Variants in GUCY1A1 observed in about 807,000 individuals in gnomAD.
GUCY1A1 encodes the protein guanylate cyclase soluble subunit alpha-1.
GUCY1A1 carries 48 observed loss-of-function variants against 64.5 expected under a neutral mutation model. The ratio of observed to expected loss-of-function variants is 0.74; its 90% CI spans 0.59 to 0.95. GUCY1A1 has a LOEUF of 0.95. GUCY1A1 is among the 40% of genes least tolerant of loss of function. GUCY1A1 has a pLI of 0.00. For synonymous variants in GUCY1A1, 308 were observed against 303.4 expected (o/e 1.02, Z -0.16); for missense variants, 804 against 825.3 (o/e 0.97, Z 0.32).
At chr4:155,711,348 T>C in intron 6 of GUCY1A1, 97 bp downstream of exon 6, 1 of 627,064 alleles carries the variant, frequency 1.6e-6, no homozygotes, top group South Asian at 2.2e-5. Flanking sequence ...TTCAAATGTT[T>C]GATAAAACAT....
At chr4:155,696,690 C>A (rs1730453533) in intron 2 of GUCY1A1, 66 bp from the exon 3 acceptor site, 1 of 530,674 alleles carries the variant, frequency 1.9e-6, no homozygotes, top group Non-Finnish European at 3.3e-6. Flanking sequence ...GCTCACCTGT[C>A]TTTTTCTGTT....
At chr4:155,694,404 A>C (rs776434019) in intron 2 of GUCY1A1, among the ~76,000 whole-genome samples, 1 of 151,998 alleles carries the variant, frequency 6.6e-6, no homozygotes, top group Non-Finnish European at 1.5e-5. Context: ...AAAACTCTCC[A>C]AGCTCCCCAA....
intron 2 of GUCY1A1, among the ~76,000 whole-genome samples, chr4:155,684,606 G>A (rs773086716): frequency 1.3e-4 from 20 of 152,118 alleles, no homozygotes; most frequent in Admixed American, 5.2e-4. Flanking sequence ...TCCAGGCCTC[G>A]AATCTCACAC....
Position 155,696,753 on chromosome 4 carries a change from T to C in GUCY1A1, c.-112-3T>C, listed in dbSNP as rs1730463223. ...TTCTGTTCTGACTTTTTGCTGTCCATAGACATCCCAGTTACCAGTGTCCTT... is the reference window on the plus strand; with the variant it reads ...TTCTGTTCTGACTTTTTGCTGTCCACAGACATCCCAGTTACCAGTGTCCTT... On this transcript the variant is annotated splice_region_variant and splice_polypyrimidine_tract_variant and intron_variant, in intron 2 of 9. Coordinates refer to ENST00000506455, the MANE Select transcript of GUCY1A1 (RefSeq NM_001130682.3). 1.6e-5 allele frequency: 15 copies of C among 936,058 alleles called. No individual in the cohort carries two copies. The South Asian group carries it at 2.5e-4, about 15-fold the overall frequency. 58.0% of individuals were successfully genotyped at this position (936,058 alleles called of 1,614,324 possible).
At chr4:155,703,838 C>A in intron 3 of GUCY1A1, 94 bp from the exon 4 acceptor site, 2 of 773,384 alleles carry the variant, frequency 2.6e-6, no homozygotes, top group South Asian at 1.6e-5. Flanking sequence ...GCTTTATTCT[C>A]GAAAATAAAT....
rs1244322722 is a variant in GUCY1A1 at position 155,736,536 on chromosome 4, G to GA, written c.*6311dup. 2.0e-5 allele frequency: 3 copies of GA among 151,822 alleles called. No individual in the cohort carries two copies. The highest frequency in any genetic ancestry group is 1.9e-4 in the East Asian group (1 of 5,146). 9.4% of individuals were successfully genotyped at this position (151,822 alleles called of 1,614,324 possible). Reference sequence around the variant, plus strand: ...TGACTAAGAACTTACTGTTTAGAGAGAAAAAATAGTAAATAATGTTCAAAA... The same window carrying GA: ...TGACTAAGAACTTACTGTTTAGAGAGAAAAAAATAGTAAATAATGTTCAAAA... On this transcript the variant is annotated 3_prime_UTR_variant, in exon 10 of 10. Transcript: ENST00000506455.
intron 2 of GUCY1A1, among the ~76,000 whole-genome samples, chr4:155,680,864 A>G (rs1735633461): frequency 6.6e-6 from 1 of 151,808 alleles, no homozygotes; most frequent in South Asian, 2.1e-4. Flanking sequence ...GCAGAAGAAA[A>G]TTTGCATATG....
intron 2 of GUCY1A1, among the ~76,000 whole-genome samples, chr4:155,678,424 A>G (rs1735255617): frequency 6.6e-6 from 1 of 152,174 alleles, no homozygotes; most frequent in African/African-American, 2.4e-5. Flanking sequence ...ATTTTATATC[A>G]AGTCCAGTTT....
chr4:155,700,469 A>G (rs1446901956), intron 3 of GUCY1A1, among the ~76,000 whole-genome samples: 1 of 152,222 alleles, frequency 6.6e-6, no homozygotes, highest in Non-Finnish European at 1.5e-5. Context: ...AACCACACCA[A>G]TGATATTTTT....
intron 9 of GUCY1A1, among the ~76,000 whole-genome samples, chr4:155,723,628 AT>A (rs1183371552): frequency 1.9e-3 from 2 of 1,048 alleles, no homozygotes; most frequent in Non-Finnish European, 3.5e-3. Flanking sequence ...CTTCTTCTGC[AT>A]TTATTTATTT....
At chr4:155,721,204 C>T (rs1285770886) in intron 8 of GUCY1A1, among the ~76,000 whole-genome samples, 1 of 151,862 alleles carries the variant, frequency 6.6e-6, no homozygotes. Flanking sequence ...TTCGAGGTTA[C>T]AGTGAACTAT....
At chr4:155,700,708 C>A (rs1161623980) in intron 3 of GUCY1A1, among the ~76,000 whole-genome samples, 1 of 152,126 alleles carries the variant, frequency 6.6e-6, no homozygotes, top group Non-Finnish European at 1.5e-5. Context: ...AGTCCACAAT[C>A]TACAATACTT....
rs3796576 is a variant in GUCY1A1 at position 155,730,889 on chromosome 4, C to A, written c.*658C>A. On this transcript the variant is annotated 3_prime_UTR_variant, in exon 10 of 10. Coordinates refer to ENST00000506455, the MANE Select transcript of GUCY1A1 (RefSeq NM_001130682.3). Reference sequence around the variant, plus strand: ...AAGTTAAAAATACTCTCCATAGTAACGTGTGTTATAATAATAAATATTTCT... The same window carrying A: ...AAGTTAAAAATACTCTCCATAGTAAAGTGTGTTATAATAATAAATATTTCT... 3.3e-5 allele frequency: 5 copies of A among 152,782 alleles called. No individual in the cohort carries two copies. Among genetic ancestry groups the A allele is most frequent in the African/African-American group, 1.2e-4 (5 of 41,258 alleles). 9.5% of individuals were successfully genotyped at this position (152,782 alleles called of 1,614,324 possible).
chr4:155,718,348 C>T (rs1476891827), intron 8 of GUCY1A1, among the ~76,000 whole-genome samples: 2 of 152,246 alleles, frequency 1.3e-5, no homozygotes, highest in African/African-American at 4.8e-5. Flanking sequence ...TTTAAGCCTT[C>T]GTAACTATTT....
In GUCY1A1 at chr4:155,713,568, G is replaced by A; in HGVS notation, c.1557G>A (p.Glu519=). 1 of 1,613,074 alleles carries A rather than the reference G, an allele frequency of 6.2e-7. No homozygotes were observed. The highest frequency in any genetic ancestry group is 8.5e-7 in the Non-Finnish European group (1 of 1,179,144). ...LYTRFDQQCG[E]LDVYKVETIG... ...CTCGCTTCGACCAGCAGTGTGGAGAGCTGGATGTCTACAAGGTAGGAGTGG... is the reference window on the plus strand; with the variant it reads ...CTCGCTTCGACCAGCAGTGTGGAGAACTGGATGTCTACAAGGTAGGAGTGG... The change falls in exon 7 of 10, where the codon GAG becomes GAA. Residue 519 remains glutamate (E), a synonymous_variant. Coordinates refer to ENST00000506455, the MANE Select transcript of GUCY1A1 (RefSeq NM_001130682.3).
intron 5 of GUCY1A1, among the ~76,000 whole-genome samples, chr4:155,710,213 G>A (rs1014458656): frequency 1.3e-5 from 2 of 152,152 alleles, no homozygotes; most frequent in Admixed American, 1.3e-4. Context: ...CAGAAAGATT[G>A]GAGGACTTTT....
At chr4:155,711,520 T>A (rs1732571196) in intron 6 of GUCY1A1, 1 of 253,060 alleles carries the variant, frequency 4.0e-6, no homozygotes, top group Non-Finnish European at 7.5e-6. Context: ...ATTTGATAAA[T>A]GTTTATATAA....
chr4:155,724,260 T>C (rs71605261), intron 9 of GUCY1A1, among the ~76,000 whole-genome samples: 5,418 of 152,220 alleles, frequency 0.036, 122 homozygotes, highest in Middle Eastern at 0.058. Flanking sequence ...TTCTCTTTGA[T>C]GAAATGATTA....
chr4:155,679,026 T>C (rs1157660859), intron 2 of GUCY1A1, among the ~76,000 whole-genome samples: 1 of 152,362 alleles, frequency 6.6e-6, no homozygotes, highest in Non-Finnish European at 1.5e-5. Flanking sequence ...TGGAAAACTG[T>C]ATATTCTGAA....
Sources: gnomAD v4.1 joint callset for allele counts (sites outside exome capture counted in the v4.1 genomes callset) on GRCh38, gnomAD v4.1.1 for gene constraint, MANE v1.5 for transcripts, NCBI Gene and HGNC (gene_info 2026-07-23, HGNC 2026-07-21) for gene names.